The following CTNND2 variants were observed in gnomAD, a reference collection of about 807,000 sequenced individuals.
CTNND2 encodes the protein catenin delta 2, also known as catenin delta-2.
A neutral mutation model predicts 144.4 loss-of-function variants in CTNND2; 22 were observed. That is an observed-to-expected ratio of 0.15 (90% confidence interval 0.11 to 0.22). CTNND2 has a LOEUF of 0.22. Ranked by LOEUF, CTNND2 falls within the 10% of genes least tolerant of loss-of-function variation. The pLI is 1.00. For missense variants in CTNND2, 1,353 were observed against 1,618.8 expected, an observed-to-expected ratio of 0.84 and a Z score of 2.82; for synonymous variants, 751 against 695.6, an observed-to-expected ratio of 1.08 and a Z score of -1.25.
At chr5:11,198,084 T>G (rs539493296) in intron 11 of CTNND2, among the ~76,000 whole-genome samples, 26 of 152,296 alleles carry the variant, frequency 1.7e-4, no homozygotes, top group African/African-American at 6.0e-4. Flanking sequence ...CAGTTCCAAC[T>G]TAAGCACAAC....
chr5:11,029,764 T>G (rs1339414951), intron 16 of CTNND2, among the ~76,000 whole-genome samples: 1 of 152,250 alleles, frequency 6.6e-6, no homozygotes, highest in Non-Finnish European at 1.5e-5. Flanking sequence ...TTAAATGTAC[T>G]GAATTATGTA....
Position 11,773,846 on chromosome 5 carries a change from C to G in CTNND2, c.38-41574G>C, listed in dbSNP as rs549410485. ...AAAAAAAAAGCATACAACAAACATG[C>G]AAATTTATAACCAATCAATTTTAAA... On this transcript the variant is annotated intron_variant, in intron 1 of 21. Transcript: ENST00000304623. Among the ~76,000 whole-genome samples, 10 of 147,152 alleles carry G rather than the reference C, an allele frequency of 6.8e-5. No homozygotes were observed. The East Asian group carries it at 1.2e-3, about 17-fold the overall frequency.
At chr5:11,452,831 C>T (rs1033534000) in intron 3 of CTNND2, among the ~76,000 whole-genome samples, 1 of 152,108 alleles carries the variant, frequency 6.6e-6, no homozygotes, top group African/African-American at 2.4e-5. Context: ...ATAATATGTG[C>T]GCACATTTGT....
intron 2 of CTNND2, among the ~76,000 whole-genome samples, chr5:11,571,325 C>A (rs1465280907): frequency 6.6e-6 from 1 of 152,124 alleles, no homozygotes; most frequent in Non-Finnish European, 1.5e-5. Context: ...CTGTGCCTTC[C>A]AGGAGAACCA....
At chr5:11,749,797 A>T (rs1172807966) in intron 1 of CTNND2, among the ~76,000 whole-genome samples, 1 of 152,026 alleles carries the variant, frequency 6.6e-6, no homozygotes, top group Non-Finnish European at 1.5e-5. Flanking sequence ...CATATGAATG[A>T]TAATGAGGAT....
At chr5:11,754,871 G>C (rs894851929) in intron 1 of CTNND2, among the ~76,000 whole-genome samples, 6 of 151,436 alleles carry the variant, frequency 4.0e-5, no homozygotes, top group African/African-American at 1.5e-4. Context: ...CTTAAAGACA[G>C]TAAATCTTGC....
chr5:11,221,357 T>C (rs1373503804), intron 10 of CTNND2, among the ~76,000 whole-genome samples: 1 of 152,222 alleles, frequency 6.6e-6, no homozygotes, highest in Non-Finnish European at 1.5e-5. Context: ...ATGGCACATG[T>C]AGGTGCCCAC....
intron 2 of CTNND2, among the ~76,000 whole-genome samples, chr5:11,715,779 G>A (rs757847851): frequency 7.9e-5 from 12 of 152,156 alleles, no homozygotes; most frequent in Admixed American, 5.2e-4. Flanking sequence ...ATTTGGTTGC[G>A]ACAGAAGGTC....
At chr5:11,772,021 A>C (rs902632433) in intron 1 of CTNND2, among the ~76,000 whole-genome samples, 3 of 152,148 alleles carry the variant, frequency 2.0e-5, no homozygotes, top group African/African-American at 7.2e-5. Context: ...ATGAGGCAAA[A>C]ATGAACATTT....
intron 2 of CTNND2, among the ~76,000 whole-genome samples, chr5:11,617,430 T>G (rs181060714): frequency 3.3e-5 from 5 of 152,364 alleles, no homozygotes; most frequent in Admixed American, 3.3e-4. Flanking sequence ...TTTTGCCTTC[T>G]ATGTTGCCAT....
At chr5:11,264,033 T>C (rs1014762803) in intron 9 of CTNND2, among the ~76,000 whole-genome samples, 1 of 152,230 alleles carries the variant, frequency 6.6e-6, no homozygotes, top group Non-Finnish European at 1.5e-5. Context: ...TAGATGTTCT[T>C]TTAAAACATG....
At chr5:11,892,557 A>C (rs1196485881) in intron 1 of CTNND2, among the ~76,000 whole-genome samples, 1 of 152,166 alleles carries the variant, frequency 6.6e-6, no homozygotes, top group Admixed American at 6.6e-5. Flanking sequence ...TCCACAAAGC[A>C]ATTTGCTCTA....
chr5:11,694,435 A>T (rs924048031), intron 2 of CTNND2, among the ~76,000 whole-genome samples: 14 of 150,914 alleles, frequency 9.3e-5, no homozygotes, highest in African/African-American at 3.5e-4. Flanking sequence ...CTCAAAAAAA[A>T]AAAAGAAAAA....
At chr5:11,829,824 C>T in intron 1 of CTNND2, among the ~76,000 whole-genome samples, 1 of 152,178 alleles carries the variant, frequency 6.6e-6, no homozygotes, top group East Asian at 1.9e-4. Flanking sequence ...ATGGTTTGCA[C>T]CACACACCTC....
At chr5:11,312,158 C>A (rs1751029443) in intron 9 of CTNND2, among the ~76,000 whole-genome samples, 5 of 145,488 alleles carry the variant, frequency 3.4e-5, no homozygotes, top group Admixed American at 6.9e-5. Context: ...CACACACACT[C>A]CCCATACACC....
intron 2 of CTNND2, among the ~76,000 whole-genome samples, chr5:11,674,316 A>G (rs1267103133): frequency 6.6e-6 from 1 of 152,226 alleles, no homozygotes; most frequent in Non-Finnish European, 1.5e-5. Context: ...CTATTTAATG[A>G]AAACAGATTT....
At chr5:11,113,327 G>T (rs763692027) in intron 13 of CTNND2, among the ~76,000 whole-genome samples, 3 of 152,140 alleles carry the variant, frequency 2.0e-5, no homozygotes, top group Non-Finnish European at 4.4e-5. Context: ...CCAGGGGTCC[G>T]ATCCAGCCCA....
chr5:11,551,972 T>A (rs1375608247), intron 3 of CTNND2, among the ~76,000 whole-genome samples: 1 of 151,982 alleles, frequency 6.6e-6, no homozygotes, highest in Non-Finnish European at 1.5e-5. Flanking sequence ...TGGCCTCAAG[T>A]GATCCCCCTG....
intron 2 of CTNND2, among the ~76,000 whole-genome samples, chr5:11,721,621 G>C (rs1348487515): frequency 6.6e-6 from 1 of 152,202 alleles, no homozygotes; most frequent in Middle Eastern, 3.2e-3. Flanking sequence ...TGGGGCTCGG[G>C]GCTCCACTGC....
Sources: allele counts gnomAD v4.1 joint callset (sites outside exome capture counted in the v4.1 genomes callset), GRCh38; gene constraint gnomAD v4.1.1; transcripts MANE v1.5; gene names NCBI Gene and HGNC (gene_info 2026-07-23, HGNC 2026-07-21).